Variants in CHKA observed in about 807,000 individuals in gnomAD.
CHKA encodes choline kinase alpha.
CHKA carries 34 observed loss-of-function variants against 60.1 expected under a neutral mutation model. The observed-to-expected ratio is 0.57, with a 90% confidence interval of 0.43 to 0.75. CHKA has a LOEUF of 0.75. Among genes scored for constraint, CHKA ranks in the 30% least tolerant of loss-of-function variants. CHKA has a pLI of 0.00. For synonymous variants in CHKA, 217 were observed against 223.1 expected, an observed-to-expected ratio of 0.97 and a Z score of 0.24; for missense variants, 563 against 561.3, an observed-to-expected ratio of 1.00 and a Z score of -0.03.
At chr11:68,069,053 A>C in intron 6 of CHKA, 116 bp from the exon 7 acceptor site, 2 of 699,830 alleles carry the variant, frequency 2.9e-6, no homozygotes, top group Admixed American at 4.4e-5. Flanking sequence ...ACAGTTTCAG[A>C]GTAGTATCTG....
chr11:68,080,773 A>G (rs908167672), intron 3 of CHKA, among the ~76,000 whole-genome samples: 4 of 152,262 alleles, frequency 2.6e-5, no homozygotes, highest in Non-Finnish European at 4.4e-5. Flanking sequence ...GAGCCTGCAC[A>G]TAATGGCAGA....
chr11:68,054,105 C>A, intron 11 of CHKA, 58 bp from the exon 12 acceptor site: 1 of 1,446,494 alleles, frequency 6.9e-7, no homozygotes, highest in Non-Finnish European at 9.6e-7. Flanking sequence ...GAACCCTGCC[C>A]ATGTGTCCCC....
At chr11:68,107,288 A>C (rs1017360223) in intron 1 of CHKA, among the ~76,000 whole-genome samples, 1 of 152,030 alleles carries the variant, frequency 6.6e-6, no homozygotes, top group Non-Finnish European at 1.5e-5. Flanking sequence ...AAATGGCGAG[A>C]TGCGGGTACA....
intron 3 of CHKA, among the ~76,000 whole-genome samples, chr11:68,080,606 A>C (rs1856955579): frequency 6.6e-6 from 1 of 152,208 alleles, no homozygotes; most frequent in Non-Finnish European, 1.5e-5. Context: ...TCAGCCTCCC[A>C]AAATGCTGGG....
At chr11:68,063,713 C>A (rs1856333941) in intron 10 of CHKA, among the ~76,000 whole-genome samples, 1 of 152,148 alleles carries the variant, frequency 6.6e-6, no homozygotes, top group Admixed American at 6.5e-5. Flanking sequence ...GTGATTAGAT[C>A]ATGGGGGTAG....
At chr11:68,054,664 A>C (rs1184115827) in intron 11 of CHKA, among the ~76,000 whole-genome samples, 5 of 152,170 alleles carry the variant, frequency 3.3e-5, no homozygotes, top group Admixed American at 1.3e-4. Flanking sequence ...GATTACAATT[A>C]ACTTTTTTGA....
At chr11:68,062,161 C>T (rs747228424) in intron 10 of CHKA, 127 bp from the exon 11 acceptor site, 1 of 673,114 alleles carries the variant, frequency 1.5e-6, no homozygotes, top group African/African-American at 1.8e-5. Flanking sequence ...GTTGGCAAAT[C>T]ATGGGTCTAT....
At chr11:68,082,642 A>C (rs1465239682) in intron 2 of CHKA, 1 of 152,628 alleles carries the variant, frequency 6.6e-6, no homozygotes, top group East Asian at 1.9e-4. Context: ...ACACACTGAA[A>C]TAACATTACA....
intron 11 of CHKA, chr11:68,061,454 C>T (rs573475898): frequency 6.8e-4 from 167 of 245,100 alleles, no homozygotes; most frequent in African/African-American, 3.6e-3. Flanking sequence ...TGGTTACAAA[C>T]ATGCCTATGA....
At chr11:68,067,795 G>C (rs1314341615) in intron 7 of CHKA, among the ~76,000 whole-genome samples, 1 of 152,164 alleles carries the variant, frequency 6.6e-6, no homozygotes, top group African/African-American at 2.4e-5. Context: ...TAGCTGTAAT[G>C]TCTACACCCT....
At chr11:68,070,418 T>A in intron 5 of CHKA, 125 bp from the exon 6 acceptor site, 1 of 759,410 alleles carries the variant, frequency 1.3e-6, no homozygotes, top group Non-Finnish European at 2.2e-6. Context: ...GTGGGACCCC[T>A]CTGACTGCCA....
At chr11:68,074,688 T>G (rs1856727492) in intron 4 of CHKA, 29 bp downstream of exon 4, 1 of 1,596,794 alleles carries the variant, frequency 6.3e-7, no homozygotes, top group Non-Finnish European at 8.6e-7. Flanking sequence ...GTGGCATATG[T>G]CAACTAAGCG....
At chr11:68,065,283 C>G (rs766050959) in intron 9 of CHKA, among the ~76,000 whole-genome samples, 5 of 152,192 alleles carry the variant, frequency 3.3e-5, no homozygotes, top group Non-Finnish European at 7.3e-5. Flanking sequence ...TCTCTGAATA[C>G]AAGTATCTCT....
chr11:68,081,063 T>C (rs1472608739), intron 3 of CHKA, among the ~76,000 whole-genome samples: 4 of 151,822 alleles, frequency 2.6e-5, no homozygotes, highest in African/African-American at 9.7e-5. Context: ...AGAAAGGGGG[T>C]GAGAGAGGCA....
At chr11:68,070,615 G>T in intron 5 of CHKA, 109 bp downstream of exon 5, 1 of 1,214,634 alleles carries the variant, frequency 8.2e-7, no homozygotes, top group Non-Finnish European at 1.2e-6. Flanking sequence ...CTGCACTTCA[G>T]TGAACTAGGA....
At chr11:68,110,655 A>T (rs190491781) in intron 1 of CHKA, among the ~76,000 whole-genome samples, 2 of 152,290 alleles carry the variant, frequency 1.3e-5, no homozygotes, top group South Asian at 2.1e-4. Context: ...TGCAATCCCA[A>T]TGAAAACCCC....
chr11:68,108,465 C>T (rs1169345690), intron 1 of CHKA, among the ~76,000 whole-genome samples: 1 of 152,242 alleles, frequency 6.6e-6, no homozygotes, highest in Non-Finnish European at 1.5e-5. Flanking sequence ...AATAAGGTGG[C>T]TGGGCGCAGA....
At chr11:68,102,648 A>AT (rs1857770260) in intron 1 of CHKA, among the ~76,000 whole-genome samples, 1 of 152,096 alleles carries the variant, frequency 6.6e-6, no homozygotes, top group African/African-American at 2.4e-5. Flanking sequence ...TGAGCCAGGA[A>AT]TTTTTTTTAA....
intron 1 of CHKA, among the ~76,000 whole-genome samples, chr11:68,102,900 A>G (rs1004146904): frequency 6.6e-6 from 1 of 152,186 alleles, no homozygotes; most frequent in African/African-American, 2.4e-5. Context: ...GGCTGAGGCA[A>G]GAGGATCACT....
Sources: allele counts gnomAD v4.1 joint callset (sites outside exome capture counted in the v4.1 genomes callset), GRCh38; gene constraint gnomAD v4.1.1; transcripts MANE v1.5; gene names NCBI Gene and HGNC (gene_info 2026-07-23, HGNC 2026-07-21).